PIAS1: variants seen among roughly 807,000 people sequenced by gnomAD.
PIAS1 encodes E3 SUMO-protein ligase PIAS1.
In PIAS1, 6 loss-of-function variants were observed where a neutral mutation model predicts 71.3. The observed-to-expected ratio is 0.08, with a 90% confidence interval of 0.05 to 0.17. The LOEUF (loss-of-function observed/expected upper bound fraction) is 0.17, where lower values mean the gene tolerates loss of function less well. PIAS1 is among the 10% of genes least tolerant of loss of function. The pLI is 1.00. For missense variants in PIAS1, 555 were observed against 793.6 expected (o/e 0.70, Z 3.61); for synonymous variants, 303 against 292.9 (o/e 1.03, Z -0.35).
chr15:68,112,627 G>T (rs1047476376), intron 2 of PIAS1, among the ~76,000 whole-genome samples: 5 of 152,134 alleles, frequency 3.3e-5, no homozygotes, highest in South Asian at 2.1e-4. Flanking sequence ...GCCAATAAGG[G>T]TATGAAAAGT....
Position 68,054,780 on chromosome 15 carries a change from T to C in PIAS1, c.24+430T>C, listed in dbSNP as rs2091877450. 6.5e-6 allele frequency: 1 copy of C among 154,994 alleles called. No individual in the cohort carries two copies. The highest frequency in any genetic ancestry group is 2.0e-4 in the South Asian group (1 of 5,108). The allele number at this position is 154,994 out of a possible 1,614,324, so 9.6% of individuals were successfully genotyped here. A position where few individuals can be genotyped will look rare whatever the true frequency, so the allele number is the denominator to read the frequency against. ...GCCGCTTCCTCTTCCTCCTTTGCAG[T>C]CCCGGGCTCCTGTCAGGCGCTCTTC... On this transcript the variant is annotated intron_variant, in intron 1 of 13. Coordinates refer to ENST00000249636, the MANE Select transcript of PIAS1 (RefSeq NM_016166.3). This position sits in a 1 kb window ranked among gnomAD's most constrained non-coding sequence, Gnocchi z 4.6.
At position 68,179,564 on chromosome 15, in the gene PIAS1, C is replaced by CTTTTTTTTTTTTTTTTTTTTT. The variant is rs766344324; in HGVS notation, c.1482-1640_1482-1620dup. On this transcript the variant is annotated intron_variant, in intron 11 of 13. Transcript: ENST00000249636. ...CAACCTTGTCATCTCGTGAAATGTT[C>CTTTTTTTTTTTTTTTTTTTTT]TTTTTTTTTTTTTTTTTTTTTTTTT... is the stretch of plus-strand genomic sequence containing the variant. 2.6e-3 allele frequency among the ~76,000 whole-genome samples: 106 copies of CTTTTTTTTTTTTTTTTTTTTT among 40,102 alleles called. 37 individuals are homozygous for CTTTTTTTTTTTTTTTTTTTTT. Among genetic ancestry groups the CTTTTTTTTTTTTTTTTTTTTT allele is most frequent in the East Asian group, 5.0e-3 (5 of 998 alleles). The allele number at this position is 40,102 out of a possible 152,430, so 26.3% of individuals were successfully genotyped here.
intron 2 of PIAS1, among the ~76,000 whole-genome samples, chr15:68,114,357 G>T (rs1203796336): frequency 1.3e-5 from 2 of 151,888 alleles, no homozygotes; most frequent in African/African-American, 4.8e-5. Context: ...ATATGAATTT[G>T]TTAATGATTT....
At chr15:68,179,561 G>GTTTTTTTTTTTTTTTT (rs1307028845) in intron 11 of PIAS1, among the ~76,000 whole-genome samples, 2 of 30,190 alleles carry the variant, frequency 6.6e-5, no homozygotes, top group Non-Finnish European at 9.8e-5. Context: ...CTCGTGAAAT[G>GTTTTTTTTTTTTTTTT]TTCTTTTTTT....
intron 2 of PIAS1, among the ~76,000 whole-genome samples, chr15:68,123,776 A>G (rs1567052280): frequency 6.6e-6 from 1 of 152,202 alleles, no homozygotes; most frequent in Admixed American, 6.5e-5. Flanking sequence ...CCTTATTTAT[A>G]AAAGGAAACT....
At chr15:68,083,829 T>C (rs1187663719) in intron 1 of PIAS1, among the ~76,000 whole-genome samples, 2 of 151,408 alleles carry the variant, frequency 1.3e-5, no homozygotes, top group Non-Finnish European at 2.9e-5. Context: ...CCTAGGTGTT[T>C]GAGAACAGTC....
Position 68,173,667 on chromosome 15 carries a change from T to C in PIAS1, c.1009-65T>C. Reference sequence around the variant, plus strand: ...TGCCTACCTGTTGTGTTCTAGGAAATTTTTGTCAAAGCTTAAATGTTGAAT... The same window carrying C: ...TGCCTACCTGTTGTGTTCTAGGAAACTTTTGTCAAAGCTTAAATGTTGAAT... On this transcript the variant is annotated intron_variant, in intron 8 of 13. Coordinates refer to ENST00000249636, the MANE Select transcript of PIAS1 (RefSeq NM_016166.3). This position sits in a 1 kb window ranked among gnomAD's most constrained non-coding sequence, Gnocchi z 4.3. 2 of 1,248,872 alleles carry C rather than the reference T, an allele frequency of 1.6e-6. No homozygotes were observed. Among genetic ancestry groups the C allele is most frequent in the Non-Finnish European group, 2.2e-6 (2 of 929,662 alleles). 77.4% of individuals were successfully genotyped at this position (1,248,872 alleles called of 1,614,324 possible).
At chr15:68,152,097 G>A (rs1050405924) in intron 6 of PIAS1, among the ~76,000 whole-genome samples, 3 of 150,972 alleles carry the variant, frequency 2.0e-5, no homozygotes, top group Admixed American at 6.6e-5. Flanking sequence ...CTACAGGCAC[G>A]TGCTACCACA....
At chr15:68,163,992 C>A (rs1013479009) in intron 7 of PIAS1, among the ~76,000 whole-genome samples, 4 of 152,006 alleles carry the variant, frequency 2.6e-5, no homozygotes, top group African/African-American at 9.7e-5. Context: ...TCTTTCATAT[C>A]AGACTGAAAG....
At chr15:68,060,852 T>G (rs1274648292) in intron 1 of PIAS1, among the ~76,000 whole-genome samples, 1 of 152,142 alleles carries the variant, frequency 6.6e-6, no homozygotes. Context: ...CCCAGCTAAT[T>G]TTTGTATTTT....
intron 2 of PIAS1, among the ~76,000 whole-genome samples, chr15:68,129,794 TACACACACACAC>T (rs67860159): frequency 2.1e-3 from 303 of 145,090 alleles, no homozygotes; most frequent in African/African-American, 5.9e-3. Context: ...TAATTGTATT[TACACACACACAC>T]ACACACACAC....
At chr15:68,142,820 A>G (rs183596162) in intron 4 of PIAS1, among the ~76,000 whole-genome samples, 2 of 152,276 alleles carry the variant, frequency 1.3e-5, no homozygotes, top group East Asian at 3.9e-4. Context: ...ACTTAAGTCT[A>G]CAGTATGTCA....
intron 2 of PIAS1, among the ~76,000 whole-genome samples, chr15:68,118,781 TTAA>T (rs2092587596): frequency 6.6e-6 from 1 of 152,182 alleles, no homozygotes; most frequent in African/African-American, 2.4e-5. Flanking sequence ...ATGTCTTCTT[TTAA>T]GAAATATCTA....
chr15:68,063,667 T>C (rs1253009103), intron 1 of PIAS1, among the ~76,000 whole-genome samples: 3 of 152,224 alleles, frequency 2.0e-5, no homozygotes, highest in African/African-American at 7.2e-5. Context: ...TTAAAAATTA[T>C]ACAAGTAATG....
intron 4 of PIAS1, among the ~76,000 whole-genome samples, chr15:68,144,602 T>G (rs568852883): frequency 6.6e-6 from 1 of 152,326 alleles, no homozygotes; most frequent in African/African-American, 2.4e-5. Flanking sequence ...ATTTAAAAAC[T>G]GTGACATCCT....
Position 68,164,815 on chromosome 15 carries a change from A to G in PIAS1, c.1008+11A>G. 1 of 1,465,804 alleles carries G rather than the reference A, an allele frequency of 6.8e-7. No individual in the cohort carries two copies. The highest frequency in any genetic ancestry group is 9.4e-7 in the Non-Finnish European group (1 of 1,059,996). 90.8% of individuals were successfully genotyped at this position (1,465,804 alleles called of 1,614,324 possible). On this transcript the variant is annotated intron_variant, in intron 8 of 13. Coordinates refer to ENST00000249636, the MANE Select transcript of PIAS1 (RefSeq NM_016166.3). ...TCTCTACTATGTCCAGTAAGTGTTAACTATTACTTGCTTTCCAGAAAGTTT... is the reference window on the plus strand; with the variant it reads ...TCTCTACTATGTCCAGTAAGTGTTAGCTATTACTTGCTTTCCAGAAAGTTT...
chr15:68,103,621 C>T (rs2092446610), intron 2 of PIAS1, among the ~76,000 whole-genome samples: 1 of 152,138 alleles, frequency 6.6e-6, no homozygotes, highest in Admixed American at 6.5e-5. Context: ...TTAGTGCCAC[C>T]TCTCCCATCC....
At chr15:68,077,438 A>G (rs1032490429) in intron 1 of PIAS1, among the ~76,000 whole-genome samples, 3 of 152,238 alleles carry the variant, frequency 2.0e-5, no homozygotes, top group Admixed American at 2.0e-4. Flanking sequence ...CATTTTAAGC[A>G]TTTTAAGAGT....
intron 7 of PIAS1, 59 bp downstream of exon 7, chr15:68,153,754 T>G (rs1220354697): frequency 3.5e-6 from 3 of 864,850 alleles, no homozygotes; most frequent in Admixed American, 2.1e-5. Flanking sequence ...TAGAGTAGTA[T>G]TTTCTCAACT....
Sources: gnomAD v4.1 joint callset for allele counts (sites outside exome capture counted in the v4.1 genomes callset) on GRCh38, gnomAD v4.1.1 for gene constraint, Gnocchi (gnomAD v3.1) non-coding constraint, MANE v1.5 for transcripts, NCBI Gene and HGNC (gene_info 2026-07-23, HGNC 2026-07-21) for gene names.